Variants in HEPHL1 observed in about 807,000 individuals in gnomAD.
The protein encoded by HEPHL1 is hephaestin like 1, also known as ferroxidase HEPHL1.
A neutral mutation model predicts 122.0 loss-of-function variants in HEPHL1; 123 were observed. The ratio of observed to expected loss-of-function variants is 1.01; its 90% CI spans 0.87 to 1.17. The LOEUF is 1.17. Among genes scored for constraint, HEPHL1 ranks in the 50% most tolerant of loss-of-function variants. The pLI is 0.00. For missense variants in HEPHL1, 1,452 were observed against 1,430.5 expected (o/e 1.01, Z -0.24); for synonymous variants, 527 against 508.9 (o/e 1.04, Z -0.48).
intron 2 of HEPHL1, among the ~76,000 whole-genome samples, chr11:94,054,174 G>A (rs1565350081): frequency 6.6e-6 from 1 of 152,226 alleles, no homozygotes; most frequent in Non-Finnish European, 1.5e-5. Flanking sequence ...GAGCCCTGGA[G>A]AAGAGCAGTC....
At chr11:94,084,507 G>C (rs1013397620) in intron 10 of HEPHL1, among the ~76,000 whole-genome samples, 4 of 152,248 alleles carry the variant, frequency 2.6e-5, no homozygotes, top group African/African-American at 9.6e-5. Context: ...AAGGAAGACA[G>C]CAACAAAGCC....
chr11:94,042,883 A>AAAAAAAAAAAAAAAAACAAAAAACAAAC (rs1555058775), intron 1 of HEPHL1, among the ~76,000 whole-genome samples: 1 of 132,398 alleles, frequency 7.6e-6, no homozygotes, highest in Non-Finnish European at 1.6e-5. Flanking sequence ...AATAAAAAAA[A>AAAAAAAAAAAAAAAAACAAAAAACAAAC]AAAAAAAAAA....
Position 94,063,631 on chromosome 11 carries a change from A to C in HEPHL1, c.539A>C (p.Asn180Thr). Residue 180 changes from asparagine (N) to threonine (T), a missense_variant, in exon 3 of 20, where the codon AAC becomes ACC. Asn to Thr is a moderately conservative substitution (Grantham distance 65). Coordinates refer to ENST00000315765, the MANE Select transcript of HEPHL1 (RefSeq NM_001098672.2). ...EEYAPTPADA[N>T]CLTWVYHSHI... ...TATGCACCTACTCCAGCCGATGCCA[A>C]CTGCCTGACCTGGGTGTACCATTCG... 1 of 1,613,918 alleles carries C rather than the reference A, an allele frequency of 6.2e-7. No individual in the cohort carries two copies. Among genetic ancestry groups the C allele is most frequent in the Non-Finnish European group, 8.5e-7 (1 of 1,179,844 alleles).
intron 13 of HEPHL1, among the ~76,000 whole-genome samples, chr11:94,099,405 A>C (rs1309878962): frequency 1.3e-5 from 2 of 152,142 alleles, no homozygotes. Flanking sequence ...TGGCCGTGTG[A>C]GGTGTCAGTC....
chr11:94,046,222 G>A (rs528985884), intron 2 of HEPHL1, among the ~76,000 whole-genome samples: 1 of 147,582 alleles, frequency 6.8e-6, no homozygotes, highest in African/African-American at 2.5e-5. Context: ...AGCCTCTCTA[G>A]TGCTGGGATT....
chr11:94,052,378 C>T (rs2040339154), intron 2 of HEPHL1, among the ~76,000 whole-genome samples: 1 of 151,766 alleles, frequency 6.6e-6, no homozygotes, highest in African/African-American at 2.4e-5. Flanking sequence ...TTATTTGTAG[C>T]TACTGTAAAT....
intron 2 of HEPHL1, among the ~76,000 whole-genome samples, chr11:94,048,397 T>C (rs1945859726): frequency 6.6e-6 from 1 of 152,106 alleles, no homozygotes; most frequent in Admixed American, 6.5e-5. Context: ...TCTCGCTCTG[T>C]CACTCAGGCT....
At chr11:94,046,245 C>T (rs1945837189) in intron 2 of HEPHL1, among the ~76,000 whole-genome samples, 3 of 151,426 alleles carry the variant, frequency 2.0e-5, no homozygotes, top group African/African-American at 7.3e-5. Context: ...AGATGTGCAC[C>T]ATCACGCCCA....
Position 94,110,973 on chromosome 11 carries a change from C to T in HEPHL1, c.3116C>T (p.Ala1039Val). 6.2e-7 allele frequency: 1 copy of T among 1,612,318 alleles called. No homozygotes were observed. ...ACATTCCAAACCATTGAACTGTTTGCAGATCACCCAGGGACATGGCTGCTA... is the reference window on the plus strand; with the variant it reads ...ACATTCCAAACCATTGAACTGTTTGTAGATCACCCAGGGACATGGCTGCTA... ...PGTFQTIELFADHPGTWLLHC... is the reference protein window; with the variant it reads ...PGTFQTIELFVDHPGTWLLHC... The change falls in exon 18 of 20, where the codon GCA (alanine) becomes GTA (valine). Residue 1039 changes from alanine (A) to valine (V), a missense_variant. By Grantham distance (64) the Ala-to-Val change is moderately conservative. Coordinates refer to ENST00000315765, the MANE Select transcript of HEPHL1 (RefSeq NM_001098672.2).
intron 2 of HEPHL1, among the ~76,000 whole-genome samples, chr11:94,062,860 C>T (rs1945997921): frequency 6.6e-6 from 1 of 152,152 alleles, no homozygotes; most frequent in Non-Finnish European, 1.5e-5. Flanking sequence ...GGCTGTTCTG[C>T]CCCTGCCCAC....
rs1316631159 is a variant in HEPHL1 at position 94,070,407 on chromosome 11, G to T, written c.1097G>T (p.Cys366Phe). Residue 366 changes from cysteine (C) to phenylalanine (F), a missense_variant, in exon 6 of 20, where the codon TGC (cysteine) becomes TTC (phenylalanine). Coordinates refer to ENST00000315765, the MANE Select transcript of HEPHL1 (RefSeq NM_001098672.2). ...GMLGQYNVDN[C>F]KSDIFYPKMK... Reference sequence around the variant, plus strand: ...CTGGGGCAATACAATGTTGATAACTGCAAAAGTGATATTTTCTACCCCAAG... The same window carrying T: ...CTGGGGCAATACAATGTTGATAACTTCAAAAGTGATATTTTCTACCCCAAG... 6.2e-7 allele frequency: 1 copy of T among 1,601,780 alleles called. No individual in the cohort carries two copies. Among genetic ancestry groups the T allele is most frequent in the African/African-American group, 1.3e-5 (1 of 74,738 alleles).
intron 15 of HEPHL1, among the ~76,000 whole-genome samples, chr11:94,103,297 G>C (rs1393448347): frequency 2.0e-5 from 2 of 101,218 alleles, no homozygotes; most frequent in East Asian, 3.2e-4. Context: ...AAAAAAAAAA[G>C]TTTGGTGACC....
At chr11:94,089,062 T>G in intron 12 of HEPHL1, 94 bp downstream of exon 12, 2 of 1,145,744 alleles carry the variant, frequency 1.7e-6, no homozygotes, top group African/African-American at 3.0e-5. Context: ...TCCCAGGTTG[T>G]GTCTCCACAG....
At chr11:94,032,558 C>G (rs1198638516) in intron 1 of HEPHL1, among the ~76,000 whole-genome samples, 1 of 152,200 alleles carries the variant, frequency 6.6e-6, no homozygotes, top group East Asian at 1.9e-4. Context: ...CAGGTCCCAA[C>G]AGTCTTTGGG....
In HEPHL1 at chr11:94,021,553, G is replaced by C; in HGVS notation, c.170+15G>C. 1.9e-6 allele frequency: 3 copies of C among 1,580,052 alleles called. No individual in the cohort carries two copies. Among genetic ancestry groups the C allele is most frequent in the Non-Finnish European group, 2.6e-6 (3 of 1,161,328 alleles). ...ACAGAAGACAAGTGAGTGAACTTAG[G>C]GTCCTCATTGACTCCCAGGTTTGGC... On this transcript the variant is annotated intron_variant, in intron 1 of 19. Transcript: ENST00000315765.
intron 2 of HEPHL1, among the ~76,000 whole-genome samples, chr11:94,059,693 G>A (rs553657927): frequency 3.4e-4 from 51 of 152,098 alleles, no homozygotes; most frequent in Non-Finnish European, 5.1e-4. Context: ...TCCAAGTCAC[G>A]TCTTCCTTTA....
chr11:94,038,095 C>T (rs1406499646), intron 1 of HEPHL1, among the ~76,000 whole-genome samples: 3 of 149,050 alleles, frequency 2.0e-5, no homozygotes, highest in African/African-American at 5.0e-5. Context: ...GGAGCCGATG[C>T]GATCGACTGG....
chr11:94,060,302 G>A (rs1945977204), intron 2 of HEPHL1, among the ~76,000 whole-genome samples: 1 of 151,326 alleles, frequency 6.6e-6, no homozygotes, highest in Middle Eastern at 3.4e-3. Flanking sequence ...ATATGTGTGT[G>A]TATATGTATA....
chr11:94,100,853 T>C (rs1032772788), intron 13 of HEPHL1, among the ~76,000 whole-genome samples: 2 of 152,148 alleles, frequency 1.3e-5, no homozygotes, highest in African/African-American at 4.8e-5. Flanking sequence ...AGTAAACACT[T>C]TTAGATACAT....
Sources: gnomAD v4.1 joint callset for allele counts (sites outside exome capture counted in the v4.1 genomes callset) on GRCh38, gnomAD v4.1.1 for gene constraint, MANE v1.5 for transcripts, NCBI Gene and HGNC (gene_info 2026-07-23, HGNC 2026-07-21) for gene names.